Variants in NAV1 observed in about 807,000 individuals in gnomAD.
NAV1 encodes the protein neuron navigator 1.
A neutral mutation model predicts 175.2 loss-of-function variants in NAV1; 18 were observed. The ratio of observed to expected loss-of-function variants is 0.10; its 90% CI spans 0.07 to 0.15. The LOEUF is 0.15. NAV1 is among the 10% of genes least tolerant of loss of function. NAV1 has a pLI of 1.00. For synonymous variants in NAV1, 897 were observed against 978.7 expected, an observed-to-expected ratio of 0.92 and a Z score of 1.56; for missense variants, 1,731 against 2,436.6, an observed-to-expected ratio of 0.71 and a Z score of 6.10.
At chr1:201,622,418 G>A (rs1668199330), upstream of NAV1, among the ~76,000 whole-genome samples, 2 of 152,132 alleles carry the variant, frequency 1.3e-5, no homozygotes, top group South Asian at 4.2e-4. Context: ...ATGAGAGGAA[G>A]GAACATGCAG....
exon 30 of NAV1, chr1:201,825,115 G>A (rs1679602013): frequency 6.6e-6 from 1 of 152,096 alleles, no homozygotes; most frequent in Admixed American, 6.6e-5. Flanking sequence ...ACAAAGAAAG[G>A]TATGTGTGCT....
chr1:201,587,203 C>T (rs993431576), intron 1 of NAV1, among the ~76,000 whole-genome samples: 4 of 151,756 alleles, frequency 2.6e-5, no homozygotes, highest in African/African-American at 9.7e-5. Flanking sequence ...AGAGCAAAAC[C>T]CTGTCTCAAA....
At chr1:201,735,692 T>A (rs1673089488) in intron 3 of NAV1, among the ~76,000 whole-genome samples, 1 of 152,250 alleles carries the variant, frequency 6.6e-6, no homozygotes, top group Non-Finnish European at 1.5e-5. Flanking sequence ...CTTAGATCAC[T>A]AGGTTATTTG....
At chr1:201,629,357 A>G in intron 1 of NAV1, 47 bp from the exon 4 acceptor site, 2 of 1,253,296 alleles carry the variant, frequency 1.6e-6, no homozygotes, top group South Asian at 2.5e-5. Context: ...GGGCTTAGAG[A>G]CCAGGACATC....
intron 3 of NAV1, chr1:201,723,570 G>A (rs1017211269): frequency 1.3e-5 from 2 of 152,172 alleles, no homozygotes; most frequent in African/African-American, 4.8e-5. Context: ...AGCTGATGGG[G>A]TTTTTTGGAA....
intron 1 of NAV1, among the ~76,000 whole-genome samples, chr1:201,576,698 G>C (rs547210837): frequency 6.6e-6 from 1 of 152,262 alleles, no homozygotes; most frequent in South Asian, 2.1e-4. Flanking sequence ...ATTTTTTTAA[G>C]AAACTGCCAA....
intron 1 of NAV1, among the ~76,000 whole-genome samples, chr1:201,686,245 A>G (rs368541656): frequency 2.0e-5 from 1 of 48,826 alleles, no homozygotes; most frequent in South Asian, 5.9e-4. Flanking sequence ...TCAATCCCCC[A>G]TACTCACTCC....
rs1676932723 is a variant in NAV1, at chr1:201,788,775, T to C, written c.3166+137T>C. ...ACATCAAGTTGGGCCATTTCAGTTTTTTCTCCCCATCCCTTTGAAGGGTCT... is the reference window on the plus strand; with the variant it reads ...ACATCAAGTTGGGCCATTTCAGTTTCTTCTCCCCATCCCTTTGAAGGGTCT... On this transcript the variant is annotated intron_variant, in intron 10 of 29. Coordinates refer to ENST00000367296, the Ensembl canonical transcript of NAV1. The surrounding 1 kb of genome is among the most constrained non-coding windows in gnomAD (Gnocchi z 5.7). 1 of 1,067,726 alleles carries C rather than the reference T, an allele frequency of 9.4e-7. No individual in the cohort carries two copies. 66.1% of individuals were successfully genotyped at this position (1,067,726 alleles called of 1,614,324 possible). A position where few individuals can be genotyped will look rare whatever the true frequency, so the allele number is the denominator to read the frequency against.
intron 2 of NAV1, among the ~76,000 whole-genome samples, chr1:201,605,339 C>T (rs1422751889): frequency 1.3e-5 from 2 of 151,994 alleles, no homozygotes; most frequent in East Asian, 1.9e-4. Flanking sequence ...TCCATGACAA[C>T]AAGTATTGCC....
upstream of NAV1, among the ~76,000 whole-genome samples, chr1:201,645,164 A>G (rs954388651): frequency 3.3e-5 from 5 of 152,172 alleles, no homozygotes; most frequent in African/African-American, 1.2e-4. Flanking sequence ...ATGTCCAACA[A>G]CGATAGACTG....
At chr1:201,581,195 C>T (rs921918547) in intron 1 of NAV1, among the ~76,000 whole-genome samples, 5 of 152,088 alleles carry the variant, frequency 3.3e-5, no homozygotes, top group Non-Finnish European at 2.9e-5. Context: ...GAGAGACCAG[C>T]GAGCAGGTTT....
chr1:201,623,329 C>T (rs940276625), exon 1 of NAV1: 3 of 985,940 alleles, frequency 3.0e-6, no homozygotes, highest in Non-Finnish European at 3.6e-6. Flanking sequence ...AAGCCCTTCT[C>T]GGACGAGCTT....
At chr1:201,686,224 T>C (rs1481157325) in intron 1 of NAV1, among the ~76,000 whole-genome samples, 1 of 145,766 alleles carries the variant, frequency 6.9e-6, no homozygotes, top group Admixed American at 7.0e-5. Context: ...CAACTGCATC[T>C]GCCCCTCCTC....
chr1:201,569,475 T>A (rs1385200103), intron 1 of NAV1, among the ~76,000 whole-genome samples: 1 of 152,216 alleles, frequency 6.6e-6, no homozygotes, highest in Non-Finnish European at 1.5e-5. Context: ...ACTGGAAAGG[T>A]GTCATGGACC....
intron 2 of NAV1, among the ~76,000 whole-genome samples, chr1:201,598,701 C>T (rs1020667493): frequency 4.6e-5 from 7 of 152,186 alleles, no homozygotes; most frequent in South Asian, 2.1e-4. Context: ...TGCCTTCCCC[C>T]GACTAGAAGG....
intron 1 of NAV1, among the ~76,000 whole-genome samples, chr1:201,682,987 A>C (rs2102402179): frequency 6.6e-6 from 1 of 152,246 alleles, no homozygotes; most frequent in South Asian, 2.1e-4. Context: ...AATAATGATA[A>C]ATTATTATTA....
At chr1:201,689,788 A>G (rs1377116434) in intron 1 of NAV1, among the ~76,000 whole-genome samples, 1 of 152,180 alleles carries the variant, frequency 6.6e-6, no homozygotes, top group African/African-American at 2.4e-5. Flanking sequence ...GAGATGTGCG[A>G]TTGGGGGAGT....
chr1:201,757,481 T>C (rs938385585), intron 3 of NAV1, among the ~76,000 whole-genome samples: 1 of 152,206 alleles, frequency 6.6e-6, no homozygotes, highest in African/African-American at 2.4e-5. Flanking sequence ...CTTGAACTCC[T>C]GGCCTCGAGC....
At chr1:201,650,694 CTG>C (rs1669167913) in intron 1 of NAV1, among the ~76,000 whole-genome samples, 1 of 152,194 alleles carries the variant, frequency 6.6e-6, no homozygotes, top group South Asian at 2.1e-4. Context: ...CCCTCGACTC[CTG>C]TGTGGGCTAG....
Sources: allele counts gnomAD v4.1 joint callset (sites outside exome capture counted in the v4.1 genomes callset), GRCh38; gene constraint gnomAD v4.1.1; non-coding constraint Gnocchi (gnomAD v3.1); transcripts MANE v1.5; gene names NCBI Gene and HGNC (gene_info 2026-07-23, HGNC 2026-07-21).